The following NRXN1 variants were observed in gnomAD, a reference collection of about 807,000 sequenced individuals.
NRXN1 encodes neurexin 1.
Under a neutral mutation model 150.9 loss-of-function variants are expected in NRXN1, and 39 were observed. The ratio of observed to expected loss-of-function variants is 0.26; its 90% CI spans 0.20 to 0.34. The LOEUF is 0.34. NRXN1 is among the 10% of genes least tolerant of loss of function. NRXN1 has a pLI of 1.00. For synonymous variants in NRXN1, 924 were observed against 757.0 expected, an observed-to-expected ratio of 1.22 and a Z score of -3.62; for missense variants, 1,815 against 1,949.9, an observed-to-expected ratio of 0.93 and a Z score of 1.30.
At chr2:50,903,323 C>G (rs569826746) in intron 5 of NRXN1, among the ~76,000 whole-genome samples, 15 of 152,244 alleles carry the variant, frequency 9.9e-5, no homozygotes, top group Admixed American at 4.6e-4. Flanking sequence ...AATGACTTTT[C>G]TTCAATCTAA....
chr2:50,206,268 T>C (rs2062571316), intron 18 of NRXN1, among the ~76,000 whole-genome samples: 1 of 150,476 alleles, frequency 6.6e-6, no homozygotes, highest in African/African-American at 2.5e-5. Context: ...CACACAACAA[T>C]TTTTTTCCTA....
chr2:50,156,690 T>C (rs2059041814), intron 18 of NRXN1, among the ~76,000 whole-genome samples: 1 of 151,948 alleles, frequency 6.6e-6, no homozygotes, highest in South Asian at 2.1e-4. Context: ...GTTTTAATCC[T>C]TATCTAGTTC....
intron 5 of NRXN1, among the ~76,000 whole-genome samples, chr2:50,809,811 G>C (rs1667973910): frequency 6.6e-6 from 1 of 152,156 alleles, no homozygotes; most frequent in Non-Finnish European, 1.5e-5. Context: ...AATGGTTTGA[G>C]TTCACCACCT....
intron 12 of NRXN1, among the ~76,000 whole-genome samples, chr2:50,525,954 C>A (rs2092939827): frequency 6.6e-6 from 1 of 152,164 alleles, no homozygotes; most frequent in Non-Finnish European, 1.5e-5. Context: ...ACTACTGACA[C>A]AAGAGTGGCT....
chr2:49,980,922 T>G (rs1256471011), intron 21 of NRXN1, among the ~76,000 whole-genome samples: 2 of 152,072 alleles, frequency 1.3e-5, no homozygotes, highest in African/African-American at 4.8e-5. Context: ...CAATAAATCT[T>G]CCCAGAGAAA....
chr2:50,116,897 C>T (rs533104140), intron 18 of NRXN1, among the ~76,000 whole-genome samples: 9 of 152,154 alleles, frequency 5.9e-5, no homozygotes, highest in East Asian at 1.9e-4. Context: ...TCCTGAGATG[C>T]GACCAACTAA....
intron 18 of NRXN1, among the ~76,000 whole-genome samples, chr2:50,136,401 G>A (rs557524907): frequency 3.9e-5 from 6 of 152,134 alleles, no homozygotes; most frequent in Non-Finnish European, 8.8e-5. Context: ...TTTCTAGGAG[G>A]CCTGGCTTAC....
chr2:50,518,984 T>C (rs948906324), intron 12 of NRXN1, among the ~76,000 whole-genome samples: 1 of 151,944 alleles, frequency 6.6e-6, no homozygotes, highest in Non-Finnish European at 1.5e-5. Flanking sequence ...TGGGAAGTCA[T>C]TATAATGCGT....
chr2:50,564,826 G>C (rs914768699), intron 8 of NRXN1, among the ~76,000 whole-genome samples: 1 of 152,196 alleles, frequency 6.6e-6, no homozygotes, highest in East Asian at 1.9e-4. Flanking sequence ...TATTTCTTTG[G>C]AAAGTCCCAC....
chr2:50,693,996 C>T (rs1574127003), intron 5 of NRXN1, among the ~76,000 whole-genome samples: 2 of 152,010 alleles, frequency 1.3e-5, no homozygotes, highest in East Asian at 3.9e-4. Flanking sequence ...TCTTCCTATG[C>T]TGTCCAGGAT....
chr2:50,178,110 G>T (rs1458674209), intron 18 of NRXN1, among the ~76,000 whole-genome samples: 3 of 152,012 alleles, frequency 2.0e-5, no homozygotes, highest in South Asian at 4.1e-4. Flanking sequence ...TCAGATTAGG[G>T]TAGTAGGAGG....
chr2:50,610,685 A>ATATATATATATATATATAT (rs1553880205), intron 8 of NRXN1, among the ~76,000 whole-genome samples: 1 of 126,786 alleles, frequency 7.9e-6, no homozygotes, highest in Non-Finnish European at 1.7e-5. Flanking sequence ...ATATCTGTAC[A>ATATATATATATATATATAT]AAACAGAATA....
intron 2 of NRXN1, among the ~76,000 whole-genome samples, chr2:50,936,819 A>G (rs1688621460): frequency 6.6e-6 from 1 of 152,174 alleles, no homozygotes; most frequent in South Asian, 2.1e-4. Context: ...GAATTAAATC[A>G]ATCACTTGAA....
chr2:50,678,667 C>T lies in NRXN1; in HGVS notation c.833-55052G>A, dbSNP rs537713856. 6.6e-5 allele frequency among the ~76,000 whole-genome samples: 10 copies of T among 152,184 alleles called. No individual in the cohort carries two copies. The East Asian group carries it at 1.9e-3, about 30-fold the overall frequency. ...TTTTCAATCACATATGATCATGTCG[C>T]CAAACTGAGATATTTTTGACTGTTC... On this transcript the variant is annotated intron_variant, in intron 5 of 22. Coordinates refer to ENST00000401669, the MANE Select transcript of NRXN1 (RefSeq NM_001330078.2).
chr2:50,502,817 G>T (rs1208367590), intron 13 of NRXN1, among the ~76,000 whole-genome samples: 1 of 151,674 alleles, frequency 6.6e-6, no homozygotes, highest in East Asian at 1.9e-4. Flanking sequence ...TTGGGTGTAG[G>T]TATATATACT....
chr2:50,621,201 C>A, intron 7 of NRXN1, 25 bp downstream of exon 7: 1 of 1,557,802 alleles, frequency 6.4e-7, no homozygotes, highest in East Asian at 2.4e-5. Context: ...AGAATGATAT[C>A]TACCGAACAA....
At chr2:50,706,186 T>G (rs1012480229) in intron 5 of NRXN1, among the ~76,000 whole-genome samples, 2 of 152,180 alleles carry the variant, frequency 1.3e-5, no homozygotes, top group Non-Finnish European at 2.9e-5. Context: ...TCTTTACATC[T>G]TTGTCAATCC....
rs571331983 is a variant in NRXN1 at position 50,715,385 on chromosome 2, T to C, written c.833-91770A>G. On this transcript the variant is annotated intron_variant, in intron 5 of 22. Coordinates refer to ENST00000401669, the MANE Select transcript of NRXN1 (RefSeq NM_001330078.2). ...TCCACTACTTGACCTTCAGTTTCTA[T>C]TGCCTGTGATTGTAATAAAAATGCT... is the stretch of plus-strand genomic sequence containing the variant. Among the ~76,000 whole-genome samples the C allele has an allele frequency of 4.6e-5, 7 of 152,268 alleles. No homozygotes were observed. The South Asian group carries it at 1.5e-3, about 32-fold the overall frequency.
intron 17 of NRXN1, among the ~76,000 whole-genome samples, chr2:50,397,467 A>G (rs1302584925): frequency 6.6e-6 from 1 of 152,126 alleles, no homozygotes; most frequent in African/African-American, 2.4e-5. Flanking sequence ...TGCTAACAGC[A>G]ACGAGTAGGT....
Sources: allele counts gnomAD v4.1 joint callset (sites outside exome capture counted in the v4.1 genomes callset), GRCh38; gene constraint gnomAD v4.1.1; transcripts MANE v1.5; gene names NCBI Gene and HGNC (gene_info 2026-07-23, HGNC 2026-07-21).